SAMD4A: variants seen among roughly 807,000 people sequenced by gnomAD.
The protein encoded by SAMD4A is protein Smaug homolog 1.
A neutral mutation model predicts 81.3 loss-of-function variants in SAMD4A; 33 were observed. The observed-to-expected ratio is 0.41, with a 90% CI of 0.31 to 0.54. SAMD4A has a LOEUF of 0.54. SAMD4A is among the 20% of genes least tolerant of loss of function. SAMD4A has a pLI of 0.37. For synonymous variants in SAMD4A, 389 were observed against 382.1 expected (o/e 1.02, Z -0.21); for missense variants, 854 against 951.1 (o/e 0.90, Z 1.34).
chr14:54,737,001 T>C, intron 3 of SAMD4A, 23 bp from the exon 4 acceptor site: 5 of 1,610,784 alleles, frequency 3.1e-6, no homozygotes, highest in Non-Finnish European at 1.7e-6. Flanking sequence ...GAATAACCTA[T>C]TTCATTTTAT....
In SAMD4A at chr14:54,739,735, G is replaced by A. The variant is rs1438906369; in HGVS notation, c.979+2448G>A. 3.9e-5 allele frequency among the ~76,000 whole-genome samples: 6 copies of A among 152,228 alleles called. No homozygotes were observed. In the East Asian group the frequency reaches 9.6e-4, roughly 24 times the overall value. ...AGATGCCATTGCTGAGGACTCTTCC[G>A]CCACCAGATGTTATTCAAAACGACT... On this transcript the variant is annotated intron_variant, in intron 4 of 12. Coordinates refer to ENST00000554335, the MANE Select transcript of SAMD4A (RefSeq NM_015589.6).
At chr14:54,642,234 G>C (rs555350674) in intron 2 of SAMD4A, among the ~76,000 whole-genome samples, 1 of 152,282 alleles carries the variant, frequency 6.6e-6, no homozygotes, top group South Asian at 2.1e-4. Context: ...TCTCACTAAG[G>C]GCAGGGGACT....
chr14:54,781,270 C>A (rs1178396753), intron 11 of SAMD4A, among the ~76,000 whole-genome samples: 1 of 152,236 alleles, frequency 6.6e-6, no homozygotes, highest in African/African-American at 2.4e-5. Flanking sequence ...AGAATTGCAC[C>A]GTGGGTGCCA....
In SAMD4A at chr14:54,776,072, G is replaced by A. The variant is rs144512107; in HGVS notation, c.1918-342G>A. On this transcript the variant is annotated intron_variant, in intron 10 of 12. Coordinates refer to ENST00000554335, the MANE Select transcript of SAMD4A (RefSeq NM_015589.6). Reference sequence around the variant, plus strand: ...AGCCCTGAAATAGTTTGTGCTCTTCGTTGCATACATTTATAGAACTCCCCC... The same window carrying A: ...AGCCCTGAAATAGTTTGTGCTCTTCATTGCATACATTTATAGAACTCCCCC... 4.1e-3 allele frequency among the ~76,000 whole-genome samples: 593 copies of A among 144,806 alleles called. 8 individuals are homozygous for A. The highest frequency in any genetic ancestry group is 0.015 in the African/African-American group (562 of 38,526). 95.0% of individuals were successfully genotyped at this position (144,806 alleles called of 152,430 possible).
chr14:54,698,178 C>T (rs1351257195), intron 2 of SAMD4A, among the ~76,000 whole-genome samples: 1 of 152,188 alleles, frequency 6.6e-6, no homozygotes, highest in Non-Finnish European at 1.5e-5. Flanking sequence ...GTATAACTTA[C>T]ATTGTCTCTG....
chr14:54,724,411 A>G (rs183097191), intron 3 of SAMD4A, among the ~76,000 whole-genome samples: 15 of 152,322 alleles, frequency 9.8e-5, no homozygotes, highest in Non-Finnish European at 2.2e-4. Context: ...GAAGAGGGTA[A>G]TGGTAGAATC....
At chr14:54,752,871 C>T (rs2038143846) in intron 6 of SAMD4A, among the ~76,000 whole-genome samples, 1 of 152,210 alleles carries the variant, frequency 6.6e-6, no homozygotes, top group Non-Finnish European at 1.5e-5. Context: ...GCAATAGAAT[C>T]TACATCATAA....
At position 54,711,569 on chromosome 14, in the gene SAMD4A, G is replaced by A. The variant is rs182530444; in HGVS notation, c.715+8989G>A. Among the ~76,000 whole-genome samples the A allele has an allele frequency of 3.5e-3, 534 of 152,220 alleles. 6 individuals are homozygous for A. The highest frequency in any genetic ancestry group is 0.012 in the African/African-American group (516 of 41,526). On this transcript the variant is annotated intron_variant, in intron 3 of 12. Transcript: ENST00000554335. The stretch of plus-strand genomic sequence containing the variant: ...TGAGACGTCTCTGGGTAGTATTTCT[G>A]CAATTTCTTGTAAATCTATAATTAC...
intron 6 of SAMD4A, among the ~76,000 whole-genome samples, chr14:54,758,703 G>C (rs1031722233): frequency 2.0e-5 from 3 of 152,194 alleles, no homozygotes; most frequent in Admixed American, 1.3e-4. Context: ...GGTGGCACAT[G>C]CCCATAATCC....
At chr14:54,764,955 A>G (rs1230190013) in intron 8 of SAMD4A, among the ~76,000 whole-genome samples, 1 of 152,248 alleles carries the variant, frequency 6.6e-6, no homozygotes, top group Non-Finnish European at 1.5e-5. Context: ...CCATAAAGAA[A>G]TAATGAATGT....
chr14:54,635,359 A>C (rs1279050983), intron 2 of SAMD4A, among the ~76,000 whole-genome samples: 2 of 151,936 alleles, frequency 1.3e-5, no homozygotes, highest in Non-Finnish European at 2.9e-5. Flanking sequence ...CAGGAGGCGG[A>C]GGTTGCAGTG....
At chr14:54,676,621 G>T (rs1288328517) in intron 2 of SAMD4A, among the ~76,000 whole-genome samples, 1 of 152,126 alleles carries the variant, frequency 6.6e-6, no homozygotes, top group Non-Finnish European at 1.5e-5. Flanking sequence ...GACCTCAGGT[G>T]TTCCACCCGC....
chr14:54,626,015 G>GGTGTGT (rs71446501), intron 2 of SAMD4A, among the ~76,000 whole-genome samples: 97 of 131,764 alleles, frequency 7.4e-4, no homozygotes, highest in African/African-American at 1.3e-3. Context: ...TCTACTGCTA[G>GGTGTGT]GTGTGTGTGT....
At chr14:54,595,338 G>A (rs2033882956) in intron 2 of SAMD4A, among the ~76,000 whole-genome samples, 1 of 151,552 alleles carries the variant, frequency 6.6e-6, no homozygotes, top group South Asian at 2.1e-4. Flanking sequence ...CTTGAGGTCA[G>A]AGTCCTCTTA....
chr14:54,671,526 G>T (rs887017036), intron 2 of SAMD4A, among the ~76,000 whole-genome samples: 9 of 152,212 alleles, frequency 5.9e-5, no homozygotes, highest in Admixed American at 5.9e-4. Context: ...GGCAGTGTTT[G>T]TCCAGGAGGA....
chr14:54,682,013 G>T (rs900889968), intron 2 of SAMD4A: 2 of 985,184 alleles, frequency 2.0e-6, no homozygotes, highest in African/African-American at 3.5e-5. Context: ...TCTAGGACTG[G>T]CCTTACAGAG....
At chr14:54,695,498 C>CA (rs973067986) in intron 2 of SAMD4A, among the ~76,000 whole-genome samples, 40 of 152,302 alleles carry the variant, frequency 2.6e-4, no homozygotes, top group African/African-American at 9.6e-4. Flanking sequence ...GTAGAAGCTG[C>CA]AATGCTTTTT....
chr14:54,596,696 G>C (rs981118109), intron 2 of SAMD4A, among the ~76,000 whole-genome samples: 1 of 152,230 alleles, frequency 6.6e-6, no homozygotes, highest in South Asian at 2.1e-4. Flanking sequence ...GGAGGGAGCC[G>C]ACGGGGAGAT....
intron 2 of SAMD4A, among the ~76,000 whole-genome samples, chr14:54,665,402 C>G (rs950484522): frequency 6.6e-6 from 1 of 152,176 alleles, no homozygotes; most frequent in Non-Finnish European, 1.5e-5. Flanking sequence ...TATAGCTCTT[C>G]AGGGTTTAAT....
Sources: allele counts gnomAD v4.1 joint callset (sites outside exome capture counted in the v4.1 genomes callset), GRCh38; gene constraint gnomAD v4.1.1; transcripts MANE v1.5; gene names NCBI Gene and HGNC (gene_info 2026-07-23, HGNC 2026-07-21).